CNTNAP2: variants seen among roughly 807,000 people sequenced by gnomAD.
The protein encoded by CNTNAP2 is contactin-associated protein-like 2.
In CNTNAP2, 98 loss-of-function variants were observed where a neutral mutation model predicts 155.2. That is an observed-to-expected ratio of 0.63 (90% CI 0.54 to 0.75). CNTNAP2 has a LOEUF of 0.75. Among genes scored for constraint, CNTNAP2 ranks in the 30% least tolerant of loss-of-function variants. The pLI, the probability that CNTNAP2 is intolerant of heterozygous loss-of-function variation, is 0.00. For missense variants in CNTNAP2, 1,727 were observed against 1,688.1 expected (o/e 1.02, Z -0.40); for synonymous variants, 651 against 631.2 (o/e 1.03, Z -0.47).
chr7:146,492,651 A>G (rs1396514153), intron 1 of CNTNAP2, among the ~76,000 whole-genome samples: 3 of 152,208 alleles, frequency 2.0e-5, no homozygotes, highest in African/African-American at 7.2e-5. Flanking sequence ...ACTAAGGTTC[A>G]TGCTTCTTTC....
chr7:147,933,332 C>T (rs977163156), intron 14 of CNTNAP2, among the ~76,000 whole-genome samples: 1 of 151,942 alleles, frequency 6.6e-6, no homozygotes, highest in Admixed American at 6.6e-5. Flanking sequence ...ATTTACTCCC[C>T]CAAAATTAAA....
At chr7:148,022,534 T>C (rs1585082587) in intron 15 of CNTNAP2, among the ~76,000 whole-genome samples, 1 of 151,844 alleles carries the variant, frequency 6.6e-6, no homozygotes, top group Non-Finnish European at 1.5e-5. Context: ...GGCTTCTGCC[T>C]CTGGAATAAG....
chr7:146,981,563 A>G (rs1584764212), intron 3 of CNTNAP2, among the ~76,000 whole-genome samples: 1 of 152,188 alleles, frequency 6.6e-6, no homozygotes, highest in South Asian at 2.1e-4. Context: ...AAAATCCTGT[A>G]TTCCTAATTT....
intron 14 of CNTNAP2, among the ~76,000 whole-genome samples, chr7:147,952,312 G>GACAC (rs1800949523): frequency 1.1e-5 from 1 of 93,022 alleles, no homozygotes; most frequent in Non-Finnish European, 2.3e-5. Context: ...TGTGGTGGTG[G>GACAC]ATGCCTGTAA....
chr7:146,871,689 T>G (rs1291151492), intron 3 of CNTNAP2, among the ~76,000 whole-genome samples: 1 of 152,074 alleles, frequency 6.6e-6, no homozygotes, highest in African/African-American at 2.4e-5. Context: ...CTTATAATAT[T>G]TGCAATAAAA....
chr7:147,269,521 G>A (rs905510835), intron 8 of CNTNAP2, among the ~76,000 whole-genome samples: 2 of 152,178 alleles, frequency 1.3e-5, no homozygotes, highest in Non-Finnish European at 2.9e-5. Flanking sequence ...ATAGTGCTAT[G>A]AGAGACACAA....
intron 1 of CNTNAP2, among the ~76,000 whole-genome samples, chr7:146,651,859 G>C (rs781506782): frequency 6.6e-6 from 1 of 152,110 alleles, no homozygotes; most frequent in Non-Finnish European, 1.5e-5. Flanking sequence ...TCACAGTAAA[G>C]TATCTTTTGT....
intron 15 of CNTNAP2, among the ~76,000 whole-genome samples, chr7:147,999,531 T>G (rs1335781836): frequency 2.0e-5 from 3 of 152,216 alleles, no homozygotes; most frequent in African/African-American, 7.2e-5. Flanking sequence ...TTTGCTTCAT[T>G]TATAAGTGAA....
intron 21 of CNTNAP2, 131 bp downstream of exon 21, chr7:148,267,257 A>G (rs1796689909): frequency 8.6e-6 from 7 of 809,868 alleles, no homozygotes; most frequent in African/African-American, 1.7e-5. Context: ...TGTACAGGAA[A>G]GTTACGTGGT....
intron 1 of CNTNAP2, among the ~76,000 whole-genome samples, chr7:146,352,750 G>GATTTTTTTTTTTTTT (rs1794934273): frequency 1.6e-5 from 1 of 64,338 alleles, no homozygotes; most frequent in African/African-American, 6.4e-5. Flanking sequence ...GCATAATTCT[G>GATTTTTTTTTTTTTT]TTTTTTTTTT....
intron 13 of CNTNAP2, among the ~76,000 whole-genome samples, chr7:147,678,835 A>C (rs971440): frequency 0.075 from 11,438 of 151,914 alleles, 696 homozygotes; most frequent in Admixed American, 0.19. Context: ...CTTTAATCTG[A>C]AAAGTGTAAG....
At chr7:148,176,967 A>C (rs1392246507) in intron 18 of CNTNAP2, among the ~76,000 whole-genome samples, 1 of 152,208 alleles carries the variant, frequency 6.6e-6, no homozygotes. Flanking sequence ...GTCAGATCCC[A>C]AAACACTCAA....
At chr7:146,919,464 C>A (rs762399746) in intron 3 of CNTNAP2, among the ~76,000 whole-genome samples, 1 of 152,134 alleles carries the variant, frequency 6.6e-6, no homozygotes, top group South Asian at 2.1e-4. Context: ...TCTTCTGGAT[C>A]TAGCCAACCA....
At chr7:146,442,908 T>C (rs7782757) in intron 1 of CNTNAP2, among the ~76,000 whole-genome samples, 42,929 of 151,920 alleles carry the variant, frequency 0.28, 6,281 homozygotes, top group Admixed American at 0.42. Flanking sequence ...TTCGTTTTCA[T>C]TAAAAATAAA....
chr7:146,250,325 G>A (rs146420478), intron 1 of CNTNAP2, among the ~76,000 whole-genome samples: 141 of 152,256 alleles, frequency 9.3e-4, no homozygotes, highest in Middle Eastern at 3.4e-3. Flanking sequence ...CAGAAGGAAC[G>A]GTTTCATGTG....
chr7:146,490,151 C>T (rs981419290), intron 1 of CNTNAP2, among the ~76,000 whole-genome samples: 1 of 152,166 alleles, frequency 6.6e-6, no homozygotes, highest in Non-Finnish European at 1.5e-5. Context: ...CATTTGTCTG[C>T]CTCCTGCCAC....
intron 11 of CNTNAP2, among the ~76,000 whole-genome samples, chr7:147,554,088 G>C (rs543370162): frequency 5.3e-5 from 8 of 152,152 alleles, no homozygotes; most frequent in Non-Finnish European, 1.0e-4. Context: ...AAGCTTCTTC[G>C]TCCAGACCCA....
intron 1 of CNTNAP2, among the ~76,000 whole-genome samples, chr7:146,618,173 G>A (rs970587007): frequency 1.3e-5 from 2 of 152,060 alleles, no homozygotes; most frequent in African/African-American, 4.8e-5. Flanking sequence ...TTACTTTATG[G>A]GCTACAGCTC....
chr7:146,706,953 T>C (rs1450718290), intron 1 of CNTNAP2, among the ~76,000 whole-genome samples: 2 of 150,920 alleles, frequency 1.3e-5, no homozygotes. Context: ...GGCACTGGAC[T>C]CTACTATTTG....
Sources: allele counts gnomAD v4.1 joint callset (sites outside exome capture counted in the v4.1 genomes callset), GRCh38; gene constraint gnomAD v4.1.1; transcripts MANE v1.5; gene names NCBI Gene and HGNC (gene_info 2026-07-23, HGNC 2026-07-21).